Variants in PRKCA observed in about 807,000 individuals in gnomAD.
PRKCA encodes the protein protein kinase C alpha.
In PRKCA, 27 loss-of-function variants were observed where a neutral mutation model predicts 87.0. The observed-to-expected ratio is 0.31, with a 90% CI of 0.23 to 0.43. The LOEUF (loss-of-function observed/expected upper bound fraction) is 0.43, where lower values mean the gene tolerates loss of function less well. Ranked by LOEUF, PRKCA falls within the 20% of genes least tolerant of loss-of-function variation. PRKCA has a pLI of 1.00. For missense variants in PRKCA, 518 were observed against 852.3 expected (o/e 0.61, Z 4.88); for synonymous variants, 329 against 311.1 (o/e 1.06, Z -0.61).
intron 8 of PRKCA, among the ~76,000 whole-genome samples, chr17:66,702,104 C>T (rs908781232): frequency 3.9e-4 from 60 of 152,022 alleles, no homozygotes; most frequent in African/African-American, 1.4e-3. Flanking sequence ...ATGTCTGTCA[C>T]ATACATATCT....
chr17:66,614,515 T>A (rs567874484), intron 3 of PRKCA, among the ~76,000 whole-genome samples: 11 of 152,328 alleles, frequency 7.2e-5, no homozygotes, highest in African/African-American at 2.6e-4. Flanking sequence ...GTTTCCTACC[T>A]GTTACCATAT....
At chr17:66,508,592 G>A (rs1000180324) in intron 3 of PRKCA, among the ~76,000 whole-genome samples, 15 of 152,184 alleles carry the variant, frequency 9.9e-5, no homozygotes, top group African/African-American at 3.6e-4. Flanking sequence ...GTAACACCCA[G>A]CTGTCCTCTG....
intron 3 of PRKCA, among the ~76,000 whole-genome samples, chr17:66,592,067 G>A (rs1224768274): frequency 6.6e-6 from 1 of 152,058 alleles, no homozygotes; most frequent in Non-Finnish European, 1.5e-5. Flanking sequence ...ATTATTAAAA[G>A]TTACCAGCTG....
intron 2 of PRKCA, among the ~76,000 whole-genome samples, chr17:66,351,510 A>C (rs766310750): frequency 6.6e-5 from 10 of 152,216 alleles, no homozygotes; most frequent in Non-Finnish European, 1.3e-4. Flanking sequence ...GTGAGTACTA[A>C]TACCCTATAT....
chr17:66,583,716 G>T (rs1054859355), intron 3 of PRKCA, among the ~76,000 whole-genome samples: 2 of 152,048 alleles, frequency 1.3e-5, no homozygotes, highest in African/African-American at 4.8e-5. Flanking sequence ...CAGATGATAA[G>T]TATTTTTCTT....
intron 2 of PRKCA, among the ~76,000 whole-genome samples, chr17:66,470,286 A>ACCCCCCCCCCCCCCCCCCCCCCC (rs1186426331): frequency 1.7e-5 from 1 of 59,578 alleles, no homozygotes; most frequent in African/African-American, 6.6e-5. Context: ...AACCTCTGCC[A>ACCCCCCCCCCCCCCCCCCCCCCC]CCCCCCCTCC....
intron 16 of PRKCA, among the ~76,000 whole-genome samples, chr17:66,801,817 C>G (rs1445321759): frequency 1.3e-5 from 2 of 152,168 alleles, no homozygotes; most frequent in East Asian, 3.9e-4. Context: ...ACAGGCAGCC[C>G]CTGCCTCTCA....
At position 66,688,347 on chromosome 17, in the gene PRKCA, C is replaced by T. The variant is rs373741084; in HGVS notation, c.732C>T (p.Ile244=). ...SDKDRRLSVE[I]WDWDRTTRND... ...AAGACCGACGACTGTCTGTAGAAATCTGGGACTGGGATCGAACAACAAGGA... is the reference window on the plus strand; with the variant it reads ...AAGACCGACGACTGTCTGTAGAAATTTGGGACTGGGATCGAACAACAAGGA... The change falls in exon 7 of 17, where the codon ATC becomes ATT. Residue 244 remains isoleucine, a synonymous_variant. Transcript: ENST00000413366. 31 of 1,614,068 alleles carry T rather than the reference C, an allele frequency of 1.9e-5. No homozygotes were observed. The highest frequency in any genetic ancestry group is 2.5e-5 in the Non-Finnish European group (29 of 1,180,034).
intron 2 of PRKCA, among the ~76,000 whole-genome samples, chr17:66,357,705 G>A (rs1908146369): frequency 2.0e-5 from 3 of 152,186 alleles, no homozygotes; most frequent in African/African-American, 7.2e-5. Context: ...GAGAGGTAAT[G>A]TATGTGTGAT....
At chr17:66,507,412 T>C (rs1002569723) in intron 3 of PRKCA, among the ~76,000 whole-genome samples, 1 of 152,208 alleles carries the variant, frequency 6.6e-6, no homozygotes, top group African/African-American at 2.4e-5. Flanking sequence ...ACAGCAAAGC[T>C]AACTTAGGGG....
At chr17:66,772,213 AT>A (rs372120124) in intron 13 of PRKCA, among the ~76,000 whole-genome samples, 8 of 152,112 alleles carry the variant, frequency 5.3e-5, no homozygotes, top group African/African-American at 1.9e-4. Flanking sequence ...TTATGTGTGT[AT>A]TTTCCAAGTT....
chr17:66,530,357 C>T (rs1243141705), intron 3 of PRKCA, among the ~76,000 whole-genome samples: 4 of 152,174 alleles, frequency 2.6e-5, no homozygotes, highest in East Asian at 1.9e-4. Flanking sequence ...CCTCACCTGA[C>T]CTGTCAGTGT....
intron 8 of PRKCA, among the ~76,000 whole-genome samples, chr17:66,718,994 A>T (rs891901994): frequency 1.3e-5 from 2 of 152,256 alleles, no homozygotes; most frequent in East Asian, 3.9e-4. Context: ...TTGACTATTC[A>T]TGGTGAGATT....
At chr17:66,360,267 G>T (rs1290999263) in intron 2 of PRKCA, among the ~76,000 whole-genome samples, 1 of 152,170 alleles carries the variant, frequency 6.6e-6, no homozygotes, top group Admixed American at 6.5e-5. Context: ...ATTGGCTGAG[G>T]GGGTGACAGT....
Position 66,406,585 on chromosome 17 carries a change from G to GATTTTTTTTTTTT in PRKCA, c.206-89616_206-89615insATTTTTTTTTTTT, listed in dbSNP as rs529714675. On this transcript the variant is annotated intron_variant, in intron 2 of 16. Coordinates refer to ENST00000413366, the MANE Select transcript of PRKCA (RefSeq NM_002737.3). ...TCATGTAGCATTGTAGCTTTTCCAG[G>GATTTTTTTTTTTT]TTTTTTTTTTTTTTTTTTTTTTTTA... is the stretch of plus-strand genomic sequence containing the variant. 2.7e-3 allele frequency among the ~76,000 whole-genome samples: 188 copies of GATTTTTTTTTTTT among 70,170 alleles called. 4 individuals are homozygous for GATTTTTTTTTTTT. The highest frequency in any genetic ancestry group is 8.6e-3 in the African/African-American group (187 of 21,684). 46.0% of individuals were successfully genotyped at this position (70,170 alleles called of 152,430 possible).
At position 66,701,046 on chromosome 17, in the gene PRKCA, T is replaced by C. The variant is rs140905847; in HGVS notation, c.918+11999T>C. Among the ~76,000 whole-genome samples, 4 of 152,274 alleles carry C rather than the reference T, an allele frequency of 2.6e-5. No individual in the cohort carries two copies. In the East Asian group the frequency reaches 5.8e-4, roughly 22 times the overall value. On this transcript the variant is annotated intron_variant, in intron 8 of 16. Transcript: ENST00000413366. ...GTATCACACTTTCTGATCCAAATTA[T>C]ATTACACATCTATAATAATCAACAC...
chr17:66,637,413 A>C (rs1971175698), intron 3 of PRKCA, among the ~76,000 whole-genome samples: 1 of 152,072 alleles, frequency 6.6e-6, no homozygotes, highest in Admixed American at 6.6e-5. Flanking sequence ...AGGTATTTTT[A>C]ATTGGTGCTG....
At chr17:66,761,871 T>TA (rs1236515137) in intron 13 of PRKCA, among the ~76,000 whole-genome samples, 5 of 152,180 alleles carry the variant, frequency 3.3e-5, no homozygotes, top group Non-Finnish European at 5.9e-5. Flanking sequence ...TAATCTGTGA[T>TA]ACCTAGCAGA....
rs113167164 is a variant in PRKCA, at chr17:66,473,339, G to A, written c.206-22862G>A. Among the ~76,000 whole-genome samples, 74 of 152,170 alleles carry A rather than the reference G, an allele frequency of 4.9e-4. 1 individual carries two copies. The highest frequency in any genetic ancestry group is 1.6e-3 in the African/African-American group (68 of 41,516). ...ACATGCATGTGGATTGCACGGACTC[G>A]CCCTGGCTTGCTCACATGAAACACT... On this transcript the variant is annotated intron_variant, in intron 2 of 16. Coordinates refer to ENST00000413366, the MANE Select transcript of PRKCA (RefSeq NM_002737.3).
Sources: allele counts gnomAD v4.1 joint callset (sites outside exome capture counted in the v4.1 genomes callset), GRCh38; gene constraint gnomAD v4.1.1; transcripts MANE v1.5; gene names NCBI Gene and HGNC (gene_info 2026-07-23, HGNC 2026-07-21).